Variants in RAB5B observed in about 807,000 individuals in gnomAD.
The protein encoded by RAB5B is RAB5B, member RAS oncogene family.
In RAB5B, 11 loss-of-function variants were observed where a neutral mutation model predicts 28.6. The ratio of observed to expected loss-of-function variants is 0.38; its 90% confidence interval spans 0.24 to 0.64. RAB5B has a LOEUF of 0.64. Among genes scored for constraint, RAB5B ranks in the 30% least tolerant of loss-of-function variants. The pLI is 0.53. For synonymous variants in RAB5B, 93 were observed against 97.9 expected, an observed-to-expected ratio of 0.95 and a Z score of 0.29; for missense variants, 169 against 265.6, an observed-to-expected ratio of 0.64 and a Z score of 2.53.
In RAB5B at chr12:55,996,003, A is replaced by ATATATATATATTTTTTTTTTTTT; in HGVS notation, c.*3792_*3793insATATATATATTTTTTTTTTTTTT. 4 of 97,404 alleles carry ATATATATATATTTTTTTTTTTTT rather than the reference A, an allele frequency of 4.1e-5. No homozygotes were observed. The highest frequency in any genetic ancestry group is 1.4e-4 in the African/African-American group (3 of 21,148). The allele number at this position is 97,404 out of a possible 1,614,324, so 6.0% of individuals were successfully genotyped here. A position where few individuals can be genotyped will look rare whatever the true frequency, so the allele number is the denominator to read the frequency against. On this transcript the variant is annotated 3_prime_UTR_variant, in exon 6 of 6. Transcript: ENST00000360299. The stretch of plus-strand genomic sequence containing the variant: ...TATATACATATATATATATATATAT[A>ATATATATATATTTTTTTTTTTTT]TTTTTTTTTTAACAACTGGTAGGAT...
At position 55,990,686 on chromosome 12, in the gene RAB5B, C is replaced by G. The variant is rs1890087272; in HGVS notation, c.320C>G (p.Thr107Ser). 1.2e-6 allele frequency: 2 copies of G among 1,613,508 alleles called. No individual in the cohort carries two copies. Among genetic ancestry groups the G allele is most frequent in the African/African-American group, 2.7e-5 (2 of 74,900 alleles). Residue 107 changes from threonine to serine, a missense_variant, in exon 4 of 6, where the codon ACC becomes AGC. Transcript: ENST00000360299. Reference sequence around the variant, plus strand: ...ATTCTCTTCATGTTTTCCTAGGAAACCTTTGCCCGAGCAAAGACATGGGTG... The same window carrying G: ...ATTCTCTTCATGTTTTCCTAGGAAAGCTTTGCCCGAGCAAAGACATGGGTG... ...IVVYDITNQE[T>S]FARAKTWVKE...
At chr12:55,984,767 C>T (rs1335572092) in intron 1 of RAB5B, among the ~76,000 whole-genome samples, 2 of 152,222 alleles carry the variant, frequency 1.3e-5, no homozygotes, top group Admixed American at 6.5e-5. Flanking sequence ...TGAGCTACTG[C>T]ACCCAGGCTG....
chr12:55,990,852 G>A (rs762186269), intron 4 of RAB5B, 48 bp downstream of exon 4: 1 of 1,599,328 alleles, frequency 6.3e-7, no homozygotes, highest in Admixed American at 1.7e-5. Flanking sequence ...CTGTTCCTGG[G>A]ACCTCTTTTT....
Position 55,992,195 on chromosome 12 carries a change from C to G in RAB5B, c.631C>G (p.Gln211Glu). Residue 211 changes from glutamine (Q) to glutamate (E), a missense_variant, in exon 6 of 6, where the codon CAG becomes GAG. Gln to Glu is a conservative substitution (Grantham distance 29). Transcript: ENST00000360299. Reference sequence around the variant, plus strand: ...TGAACAGTCCCAGCAGAACAAGAGCCAGTGTTGTAGCAACTGAGGGGGTGG... The same window carrying G: ...TGAACAGTCCCAGCAGAACAAGAGCGAGTGTTGTAGCAACTGAGGGGGTGG... ...LHEQSQQNKS[Q>E]CCSN The G allele has an allele frequency of 6.2e-7, 1 of 1,613,942 alleles. No individual in the cohort carries two copies.
intron 1 of RAB5B, among the ~76,000 whole-genome samples, chr12:55,982,159 T>C (rs1385010489): frequency 1.3e-5 from 2 of 151,024 alleles, no homozygotes; most frequent in Non-Finnish European, 2.9e-5. Flanking sequence ...CTAAAAAGGT[T>C]GAAAGGAAGA....
rs903739203 is a variant in RAB5B at position 55,991,487 on chromosome 12, C to G, written c.532+34C>G. 1.9e-6 allele frequency: 3 copies of G among 1,562,838 alleles called. No individual in the cohort carries two copies. The African/African-American group carries it at 4.1e-5, about 21-fold the overall frequency. ...AGAACATCCTGAGGTCCTCCTTTTT[C>G]CCTCGTTTATAGGCAAAATTATAGC... is the stretch of plus-strand genomic sequence containing the variant. On this transcript the variant is annotated intron_variant, in intron 5 of 5. Transcript: ENST00000360299.
chr12:55,994,473 T>G lies in RAB5B; in HGVS notation c.*2261T>G, dbSNP rs1890230418. On this transcript the variant is annotated 3_prime_UTR_variant, in exon 6 of 6. Coordinates refer to ENST00000360299, the MANE Select transcript of RAB5B (RefSeq NM_002868.4). ...CTACTTCCTACCACCTCTTCTGCCT[T>G]CCTTTGAGCTCTGTTGGGCTTGGGG... 6.8e-6 allele frequency: 1 copy of G among 147,750 alleles called. No individual in the cohort carries two copies. Among genetic ancestry groups the G allele is most frequent in the South Asian group, 2.2e-4 (1 of 4,522 alleles). 9.2% of individuals were successfully genotyped at this position (147,750 alleles called of 1,614,324 possible).
intron 2 of RAB5B, among the ~76,000 whole-genome samples, chr12:55,988,047 G>T (rs1355157040): frequency 6.6e-6 from 1 of 152,072 alleles, no homozygotes; most frequent in African/African-American, 2.4e-5. Flanking sequence ...TACTCAGGAG[G>T]CTGAGGTAGG....
rs1396298252 is a variant in RAB5B, at chr12:55,991,365, C to T, written c.444C>T (p.Ala148=). The part of the protein sequence containing the change: ...ANKRMVEYEE[A]QAYADDNSLL... ...ATACATCCCACTCCTTGCAGGAGGC[C>T]CAGGCATATGCAGATGACAACAGCT... Residue 148 remains alanine (A), a synonymous_variant, in exon 5 of 6, where the codon GCC becomes GCT. Transcript: ENST00000360299. The T allele has an allele frequency of 6.2e-7, 1 of 1,613,438 alleles. No homozygotes were observed. Among genetic ancestry groups the T allele is most frequent in the Non-Finnish European group, 8.5e-7 (1 of 1,179,442 alleles).
chr12:55,974,122 G>A lies in RAB5B; in HGVS notation c.-110G>A, dbSNP rs537229493. The A allele has an allele frequency of 6.6e-6, 1 of 152,624 alleles. No individual in the cohort carries two copies. Among genetic ancestry groups the A allele is most frequent in the African/African-American group, 2.4e-5 (1 of 41,486 alleles). The allele number at this position is 152,624 out of a possible 1,614,324, so 9.5% of individuals were successfully genotyped here. ...GTTCGACACAGGCTTGGGGCCGACG[G>A]GGGAGACGGAGCCCCAGGTACCGAG... On this transcript the variant is annotated 5_prime_UTR_variant, in exon 1 of 6. Coordinates refer to ENST00000360299, the MANE Select transcript of RAB5B (RefSeq NM_002868.4).
intron 2 of RAB5B, among the ~76,000 whole-genome samples, chr12:55,989,142 A>T (rs542416729): frequency 6.9e-6 from 1 of 145,114 alleles, no homozygotes; most frequent in African/African-American, 2.6e-5. Flanking sequence ...GGGTTTCACT[A>T]TGTTGGCCAG....
intron 1 of RAB5B, among the ~76,000 whole-genome samples, chr12:55,978,852 A>G (rs921008374): frequency 6.6e-6 from 1 of 150,442 alleles, no homozygotes; most frequent in African/African-American, 2.5e-5. Context: ...TGCTCACTGC[A>G]ACCTCCGCCT....
intron 3 of RAB5B, chr12:55,990,322 C>G (rs535448452): frequency 1.4e-5 from 7 of 487,772 alleles, no homozygotes; most frequent in Admixed American, 3.6e-5. Context: ...GCAGGAGAAT[C>G]GCTTGAACCC....
At chr12:55,991,590 T>C (rs1592808718) in intron 5 of RAB5B, 137 bp downstream of exon 5, 2 of 653,334 alleles carry the variant, frequency 3.1e-6, no homozygotes, top group South Asian at 1.9e-5. Flanking sequence ...CTTTCTGTTA[T>C]GACCTCCATC....
intron 1 of RAB5B, among the ~76,000 whole-genome samples, chr12:55,975,900 C>CCTCA (rs1889634237): frequency 6.7e-6 from 1 of 149,010 alleles, no homozygotes; most frequent in African/African-American, 2.5e-5. Flanking sequence ...TACAGGCGTG[C>CCTCA]GCCACCACGC....
chr12:55,995,601 G>A lies in RAB5B; in HGVS notation c.*3389G>A, dbSNP rs1205840573. ...GAAGGGAAATGAAATAGGATTATGT[G>A]TGGTTGCAGTAGGCTTTAAATTCCA... On this transcript the variant is annotated 3_prime_UTR_variant, in exon 6 of 6. Coordinates refer to ENST00000360299, the MANE Select transcript of RAB5B (RefSeq NM_002868.4). 2.6e-5 allele frequency: 4 copies of A among 152,184 alleles called. No homozygotes were observed. The highest frequency in any genetic ancestry group is 5.9e-5 in the Non-Finnish European group (4 of 68,046). The allele number at this position is 152,184 out of a possible 1,614,324, so 9.4% of individuals were successfully genotyped here. A position where few individuals can be genotyped will look rare whatever the true frequency, so the allele number is the denominator to read the frequency against.
rs954758680 is a variant in RAB5B, at chr12:55,991,276, T to C, written c.439-84T>C. The C allele has an allele frequency of 4.4e-5, 46 of 1,038,616 alleles. 2 individuals are homozygous for C. The highest frequency in any genetic ancestry group is 6.7e-5 in the Non-Finnish European group (45 of 669,472). 64.3% of individuals were successfully genotyped at this position (1,038,616 alleles called of 1,614,324 possible). On this transcript the variant is annotated intron_variant, in intron 4 of 5. Transcript: ENST00000360299. ...AGGGGAGGGAACCTAGGATTTTGCC[T>C]AGCTGTTGTGCTGCATGGGAGTGGA...
intron 1 of RAB5B, among the ~76,000 whole-genome samples, chr12:55,975,287 C>T (rs2136467504): frequency 6.6e-6 from 1 of 152,210 alleles, no homozygotes; most frequent in Admixed American, 6.5e-5. Context: ...GTTAACAGGT[C>T]CGAAACTATG....
In RAB5B at chr12:55,978,101, C is replaced by T. The variant is rs544955838; in HGVS notation, c.-93+3962C>T. Among the ~76,000 whole-genome samples the T allele has an allele frequency of 3.3e-5, 5 of 152,286 alleles. No individual in the cohort carries two copies. In the South Asian group the frequency reaches 1.0e-3, roughly 32 times the overall value. ...TGACAGGAAAAGCAGTTAGCCCATG[C>T]GAGTTGCAATAGTACCTTGTGGGCA... On this transcript the variant is annotated intron_variant, in intron 1 of 5. Transcript: ENST00000360299.
Sources: allele counts gnomAD v4.1 joint callset (sites outside exome capture counted in the v4.1 genomes callset), GRCh38; gene constraint gnomAD v4.1.1; transcripts MANE v1.5; gene names NCBI Gene and HGNC (gene_info 2026-07-23, HGNC 2026-07-21).